Variants in GABRA2 observed in about 807,000 individuals in gnomAD.
GABRA2 encodes gamma-aminobutyric acid receptor subunit alpha-2.
Under a neutral mutation model 48.7 loss-of-function variants are expected in GABRA2, and 16 were observed. That is an observed-to-expected ratio of 0.33 (90% CI 0.22 to 0.50). The LOEUF is 0.50. GABRA2 is among the 20% of genes least tolerant of loss of function. The pLI is 0.98. For synonymous variants in GABRA2, 185 were observed against 184.5 expected (o/e 1.00, Z -0.02); for missense variants, 275 against 535.6 (o/e 0.51, Z 4.80).
chr4:46,329,619 T>C (rs955476110), intron 4 of GABRA2, among the ~76,000 whole-genome samples: 1 of 152,186 alleles, frequency 6.6e-6, no homozygotes, highest in East Asian at 1.9e-4. Flanking sequence ...GCCCTAGAAG[T>C]AGATATTCTA....
chr4:46,359,927 A>AC (rs899804299), intron 3 of GABRA2, among the ~76,000 whole-genome samples: 3 of 151,686 alleles, frequency 2.0e-5, no homozygotes, highest in Non-Finnish European at 4.4e-5. Context: ...AAAAAACAAA[A>AC]AAAAAAAAGA....
At chr4:46,365,153 A>G (rs961006436) in intron 3 of GABRA2, 1 of 152,172 alleles carries the variant, frequency 6.6e-6, no homozygotes, top group Admixed American at 6.5e-5. Flanking sequence ...AAGTTAAGCT[A>G]TCATTTATTT....
intron 3 of GABRA2, among the ~76,000 whole-genome samples, chr4:46,337,650 C>CAA (rs71652880): frequency 0.046 from 4,981 of 107,628 alleles, 221 homozygotes; most frequent in African/African-American, 0.11. Flanking sequence ...TTGTTAAGAC[C>CAA]AAAAAAAAAA....
intron 8 of GABRA2, among the ~76,000 whole-genome samples, chr4:46,265,355 CTG>C (rs67846908): frequency 0.022 from 2,961 of 137,416 alleles, 119 homozygotes; most frequent in African/African-American, 0.064. Flanking sequence ...ATATATGTAT[CTG>C]TGTGTGTGTG....
At chr4:46,269,629 G>T (rs1718900626) in intron 8 of GABRA2, among the ~76,000 whole-genome samples, 1 of 151,676 alleles carries the variant, frequency 6.6e-6, no homozygotes, top group Non-Finnish European at 1.5e-5. Flanking sequence ...AATCAGAAAA[G>T]AAACACCTAC....
chr4:46,273,364 TTCTC>T (rs1028222530), intron 8 of GABRA2, among the ~76,000 whole-genome samples: 2 of 140,044 alleles, frequency 1.4e-5, no homozygotes, highest in East Asian at 4.3e-4. Context: ...ACTTTCTTCT[TTCTC>T]TCTCTCTCCC....
At chr4:46,357,650 A>C (rs1392981644) in intron 3 of GABRA2, among the ~76,000 whole-genome samples, 1 of 143,318 alleles carries the variant, frequency 7.0e-6, no homozygotes, top group African/African-American at 2.6e-5. Flanking sequence ...AAGCTTTTTT[A>C]TTTTTTATTT....
At chr4:46,357,666 CTTT>C (rs530230630) in intron 3 of GABRA2, among the ~76,000 whole-genome samples, 3 of 133,074 alleles carry the variant, frequency 2.3e-5, no homozygotes, top group African/African-American at 5.7e-5. Flanking sequence ...TATTTTCTTT[CTTT>C]TTTTTTTTTT....
At chr4:46,261,701 G>T (rs1717013823) in intron 9 of GABRA2, 3 of 604,712 alleles carry the variant, frequency 5.0e-6, no homozygotes, top group Non-Finnish European at 5.8e-6. Context: ...CACAGTGCCT[G>T]ACACATACAG....
chr4:46,264,986 C>CATATATATATATATATATATTATAT lies in GABRA2; in HGVS notation c.857-2859_857-2858insATATAATATATATATATATATATAT, dbSNP rs72160209. On this transcript the variant is annotated intron_variant, in intron 8 of 9. Coordinates refer to ENST00000381620, the MANE Select transcript of GABRA2 (RefSeq NM_000807.4). ...CAATTGTTCCCAGAATTACTTTATACATATATATATATATATGTATAAAGA... is the reference window on the plus strand; with the variant it reads ...CAATTGTTCCCAGAATTACTTTATACATATATATATATATATATATTATATATATATATATATATATGTATAAAGA... Among the ~76,000 whole-genome samples the CATATATATATATATATATATTATAT allele has an allele frequency of 1.9e-5, 2 of 107,470 alleles. 1 individual carries two copies. Among genetic ancestry groups the CATATATATATATATATATATTATAT allele is most frequent in the Non-Finnish European group, 4.0e-5 (2 of 49,960 alleles). 70.5% of individuals were successfully genotyped at this position (107,470 alleles called of 152,430 possible). A position where few individuals can be genotyped will look rare whatever the true frequency, so the allele number is the denominator to read the frequency against.
chr4:46,280,909 C>G (rs568144), intron 8 of GABRA2, among the ~76,000 whole-genome samples: 89,069 of 151,968 alleles, frequency 0.59, 26,395 homozygotes, highest in South Asian at 0.76. Context: ...CATATGAGAA[C>G]ATAGAGAGAT....
At chr4:46,296,031 C>T (rs1173063797) in intron 8 of GABRA2, among the ~76,000 whole-genome samples, 4 of 152,152 alleles carry the variant, frequency 2.6e-5, no homozygotes, top group Non-Finnish European at 2.9e-5. Flanking sequence ...CCTGAAGCAG[C>T]TGGATTGATA....
At chr4:46,256,393 T>G (rs1285296594) in intron 9 of GABRA2, 1 of 567,084 alleles carries the variant, frequency 1.8e-6, no homozygotes, top group Admixed American at 2.6e-5. Context: ...AACATCAATA[T>G]GAAATCCATT....
chr4:46,321,343 A>G (rs947012258), intron 4 of GABRA2, among the ~76,000 whole-genome samples: 4 of 151,972 alleles, frequency 2.6e-5, no homozygotes, highest in Non-Finnish European at 5.9e-5. Context: ...TAATTATTGT[A>G]TACTGGAAAT....
At chr4:46,251,924 C>T (rs1189834552) in intron 9 of GABRA2, among the ~76,000 whole-genome samples, 1 of 151,380 alleles carries the variant, frequency 6.6e-6, no homozygotes, top group East Asian at 2.0e-4. Context: ...TAGTACTTAT[C>T]TGTTTCTTTA....
chr4:46,306,516 C>G (rs112871367), intron 6 of GABRA2, among the ~76,000 whole-genome samples: 7 of 152,262 alleles, frequency 4.6e-5, no homozygotes, highest in African/African-American at 1.4e-4. Context: ...TCTCTATGCC[C>G]CACTGGGGAA....
chr4:46,388,435 G>A lies in GABRA2; in HGVS notation c.71+201C>T, dbSNP rs186230287. ...AATGTTCTGCATGGAAAGTGTTTCT[G>A]TTTGCTTTTGGATCTTATCACTAAG... On this transcript the variant is annotated intron_variant, in intron 2 of 9. Transcript: ENST00000381620. 7.4e-4 allele frequency among the ~76,000 whole-genome samples: 113 copies of A among 152,250 alleles called. 1 individual carries two copies. Among genetic ancestry groups the A allele is most frequent in the African/African-American group, 2.6e-3 (110 of 41,558 alleles).
intron 3 of GABRA2, among the ~76,000 whole-genome samples, chr4:46,340,980 T>C (rs1254317010): frequency 6.6e-6 from 1 of 152,020 alleles, no homozygotes; most frequent in Non-Finnish European, 1.5e-5. Context: ...TTTAGATTTA[T>C]TGATTCTTCT....
At chr4:46,323,258 T>C (rs1729764071) in intron 4 of GABRA2, among the ~76,000 whole-genome samples, 1 of 151,846 alleles carries the variant, frequency 6.6e-6, no homozygotes, top group Non-Finnish European at 1.5e-5. Flanking sequence ...TAACCTAATC[T>C]CTCCCAAAAT....
Sources: gnomAD v4.1 joint callset for allele counts (sites outside exome capture counted in the v4.1 genomes callset) on GRCh38, gnomAD v4.1.1 for gene constraint, MANE v1.5 for transcripts, NCBI Gene and HGNC (gene_info 2026-07-23, HGNC 2026-07-21) for gene names.